CNTNAP5: variants seen among roughly 807,000 people sequenced by gnomAD.
CNTNAP5 encodes the protein contactin-associated protein-like 5.
Under a neutral mutation model 150.2 loss-of-function variants are expected in CNTNAP5, and 72 were observed. The ratio of observed to expected loss-of-function variants is 0.48; its 90% confidence interval spans 0.40 to 0.58. The LOEUF (loss-of-function observed/expected upper bound fraction) is 0.58, where lower values mean the gene tolerates loss of function less well. Among genes scored for constraint, CNTNAP5 ranks in the 20% least tolerant of loss-of-function variants. The probability of loss-of-function intolerance (pLI) is 0.00; values close to 1 mark genes in which losing one functional copy is unlikely to be tolerated. For synonymous variants in CNTNAP5, 672 were observed against 619.8 expected (o/e 1.08, Z -1.25); for missense variants, 1,636 against 1,626.2 (o/e 1.01, Z -0.10).
intron 16 of CNTNAP5, among the ~76,000 whole-genome samples, chr2:124,768,307 G>GTA (rs1553440080): frequency 0.015 from 2,205 of 144,708 alleles, 89 homozygotes; most frequent in African/African-American, 0.033. Context: ...GTGTGTGTGT[G>GTA]TGTATATGTA....
intron 1 of CNTNAP5, among the ~76,000 whole-genome samples, chr2:124,099,785 G>T (rs1683023290): frequency 2.0e-5 from 3 of 152,132 alleles, no homozygotes; most frequent in Admixed American, 6.5e-5. Flanking sequence ...AGGACCAAGA[G>T]AACAAGGCGG....
intron 19 of CNTNAP5, among the ~76,000 whole-genome samples, chr2:124,813,580 A>G (rs1175500304): frequency 2.0e-5 from 3 of 148,560 alleles, no homozygotes; most frequent in Non-Finnish European, 4.5e-5. Flanking sequence ...GTTGTCCCCT[A>G]GGCCTCTAAA....
At chr2:124,179,700 G>T (rs1573815380) in intron 1 of CNTNAP5, among the ~76,000 whole-genome samples, 2 of 152,172 alleles carry the variant, frequency 1.3e-5, no homozygotes, top group East Asian at 3.9e-4. Context: ...GCACGGCATG[G>T]AAGGGGTTGG....
chr2:124,425,548 A>G (rs946718098), intron 4 of CNTNAP5, among the ~76,000 whole-genome samples: 1 of 152,080 alleles, frequency 6.6e-6, no homozygotes, highest in African/African-American at 2.4e-5. Context: ...TAACCTGTCT[A>G]TACCTTAGTG....
intron 13 of CNTNAP5, among the ~76,000 whole-genome samples, chr2:124,664,927 T>C (rs1678667020): frequency 6.6e-6 from 1 of 152,168 alleles, no homozygotes; most frequent in South Asian, 2.1e-4. Flanking sequence ...CGTCAGGTGA[T>C]CCACCCGCCT....
chr2:124,464,027 G>A (rs1237667449), intron 6 of CNTNAP5, among the ~76,000 whole-genome samples: 5 of 152,124 alleles, frequency 3.3e-5, no homozygotes, highest in Admixed American at 1.3e-4. Flanking sequence ...CATGGTGCCC[G>A]ATATATAAAC....
At chr2:124,667,820 G>A (rs1370543156) in intron 13 of CNTNAP5, among the ~76,000 whole-genome samples, 1 of 152,188 alleles carries the variant, frequency 6.6e-6, no homozygotes, top group African/African-American at 2.4e-5. Flanking sequence ...AAGAGAAAAA[G>A]TGATAATCGT....
intron 3 of CNTNAP5, among the ~76,000 whole-genome samples, chr2:124,286,800 A>G (rs1337468455): frequency 2.6e-5 from 4 of 152,112 alleles, no homozygotes; most frequent in African/African-American, 9.7e-5. Context: ...CTGTGTTTTC[A>G]ATGTAGCTGT....
At chr2:124,244,598 G>T (rs1172155227) in intron 3 of CNTNAP5, among the ~76,000 whole-genome samples, 1 of 152,144 alleles carries the variant, frequency 6.6e-6, no homozygotes, top group East Asian at 1.9e-4. Flanking sequence ...GGCAGCTTCA[G>T]GAGCAGCCTT....
intron 5 of CNTNAP5, among the ~76,000 whole-genome samples, chr2:124,442,811 AAG>A (rs1365178564): frequency 6.6e-6 from 1 of 152,220 alleles, no homozygotes; most frequent in Non-Finnish European, 1.5e-5. Context: ...AAAATATAGG[AAG>A]AGAGTTCAAA....
intron 18 of CNTNAP5, among the ~76,000 whole-genome samples, chr2:124,793,639 T>G (rs1681783906): frequency 6.6e-6 from 1 of 152,182 alleles, no homozygotes; most frequent in Non-Finnish European, 1.5e-5. Context: ...AAGAGTTTTA[T>G]AGTTTTAGCT....
intron 10 of CNTNAP5, among the ~76,000 whole-genome samples, chr2:124,547,633 T>G (rs1695543743): frequency 6.6e-6 from 1 of 152,158 alleles, no homozygotes; most frequent in African/African-American, 2.4e-5. Context: ...TCTGTATTCT[T>G]GCGTAAGTGC....
chr2:124,782,529 T>C (rs1046369479), intron 17 of CNTNAP5, among the ~76,000 whole-genome samples: 1 of 152,172 alleles, frequency 6.6e-6, no homozygotes, highest in African/African-American at 2.4e-5. Context: ...TAGGTAGAAA[T>C]GGAAAGTGTA....
intron 22 of CNTNAP5, among the ~76,000 whole-genome samples, chr2:124,909,833 A>ATATT (rs2104767210): frequency 7.8e-6 from 1 of 127,924 alleles, no homozygotes; most frequent in Admixed American, 7.8e-5. Context: ...TGACATATAT[A>ATATT]TATATATATA....
intron 13 of CNTNAP5, among the ~76,000 whole-genome samples, chr2:124,668,939 C>A (rs1036134506): frequency 1.3e-5 from 2 of 152,112 alleles, no homozygotes; most frequent in East Asian, 1.9e-4. Flanking sequence ...TACCTTTAAG[C>A]CTTACTCACT....
At chr2:124,119,097 G>A (rs578036911) in intron 1 of CNTNAP5, among the ~76,000 whole-genome samples, 1 of 152,218 alleles carries the variant, frequency 6.6e-6, no homozygotes, top group African/African-American at 2.4e-5. Flanking sequence ...TCACAAGCGA[G>A]TCTTTGTGAG....
At chr2:124,341,616 G>A (rs1229642969) in intron 3 of CNTNAP5, among the ~76,000 whole-genome samples, 3 of 152,146 alleles carry the variant, frequency 2.0e-5, no homozygotes, top group African/African-American at 7.2e-5. Context: ...TAAGGTGAAC[G>A]AGTCTTTAAT....
At chr2:124,330,408 A>T (rs1306160822) in intron 3 of CNTNAP5, among the ~76,000 whole-genome samples, 2 of 152,202 alleles carry the variant, frequency 1.3e-5, no homozygotes. Flanking sequence ...CTCATCTTGA[A>T]TTGTAATCCC....
intron 10 of CNTNAP5, among the ~76,000 whole-genome samples, chr2:124,555,565 T>A (rs975066132): frequency 1.3e-5 from 2 of 152,214 alleles, no homozygotes; most frequent in Non-Finnish European, 2.9e-5. Context: ...CAACTTAAGT[T>A]TTGCAATAAA....
Sources: gnomAD v4.1 joint callset for allele counts (sites outside exome capture counted in the v4.1 genomes callset) on GRCh38, gnomAD v4.1.1 for gene constraint, MANE v1.5 for transcripts, NCBI Gene and HGNC (gene_info 2026-07-23, HGNC 2026-07-21) for gene names.